The following LARGE1 variants were observed in gnomAD, a reference collection of about 807,000 sequenced individuals.
LARGE1 encodes LARGE xylosyl- and glucuronyltransferase 1.
A neutral mutation model predicts 87.6 loss-of-function variants in LARGE1; 43 were observed. The observed-to-expected ratio is 0.49, with a 90% CI of 0.38 to 0.63. The LOEUF (loss-of-function observed/expected upper bound fraction) is 0.63. Ranked by LOEUF, LARGE1 falls within the 30% of genes least tolerant of loss-of-function variation. The pLI is 0.00. For missense variants in LARGE1, 802 were observed against 1,000.2 expected, an observed-to-expected ratio of 0.80 and a Z score of 2.67; for synonymous variants, 434 against 394.6, an observed-to-expected ratio of 1.10 and a Z score of -1.18.
At position 33,600,142 on chromosome 22, in the gene LARGE1, G is replaced by A. The variant is rs5994778; in HGVS notation, c.615+4293C>T. On this transcript the variant is annotated intron_variant, in intron 5 of 14. Transcript: ENST00000397394. Reference sequence around the variant, plus strand: ...GAAACGTGAATTCCTGGGCCTGACCGTGATAAAGAAACTCTGCCATCGGTT... The same window carrying A: ...GAAACGTGAATTCCTGGGCCTGACCATGATAAAGAAACTCTGCCATCGGTT... Among the ~76,000 whole-genome samples, 702 of 152,254 alleles carry A rather than the reference G, an allele frequency of 4.6e-3. 4 individuals carry two copies. Among genetic ancestry groups the A allele is most frequent in the African/African-American group, 0.016 (670 of 41,536 alleles).
chr22:33,166,635 C>T (rs1922288359), exon 12 of LARGE1: 1 of 416,432 alleles, frequency 2.4e-6, no homozygotes, highest in Non-Finnish European at 4.9e-6. Flanking sequence ...TTCAATCTTA[C>T]CGTGAGGATG....
intron 5 of LARGE1, among the ~76,000 whole-genome samples, chr22:33,599,040 T>G (rs1602643002): frequency 6.6e-6 from 1 of 152,156 alleles, no homozygotes; most frequent in African/African-American, 2.4e-5. Flanking sequence ...AAGAGGAATT[T>G]TGAATTCAAG....
chr22:33,794,699 C>A (rs1213910249), intron 1 of LARGE1, among the ~76,000 whole-genome samples: 1 of 116 alleles, frequency 8.6e-3, no homozygotes, highest in Non-Finnish European at 0.016. Context: ...CGGCTCACTG[C>A]AACCTCCGCT....
chr22:33,182,312 T>G (rs1923214734), intron 11 of LARGE1, among the ~76,000 whole-genome samples: 4 of 152,226 alleles, frequency 2.6e-5, no homozygotes, highest in Non-Finnish European at 4.4e-5. Context: ...ACATAAATTT[T>G]GAACTAAAAA....
chr22:33,281,542 A>G (rs765584919), intron 13 of LARGE1, among the ~76,000 whole-genome samples: 3 of 152,190 alleles, frequency 2.0e-5, no homozygotes, highest in Non-Finnish European at 2.9e-5. Flanking sequence ...CCTCAGTTTC[A>G]TTATCCATGC....
chr22:33,539,329 C>T (rs1306629343), intron 6 of LARGE1, among the ~76,000 whole-genome samples: 1 of 152,096 alleles, frequency 6.6e-6, no homozygotes, highest in East Asian at 1.9e-4. Context: ...AAATAAATTC[C>T]CCATGCCCAT....
chr22:33,497,496 T>C lies in LARGE1; in HGVS notation c.788-65231A>G, dbSNP rs2070195559. 2.6e-5 allele frequency among the ~76,000 whole-genome samples: 4 copies of C among 152,194 alleles called. No homozygotes were observed. The South Asian group carries it at 8.3e-4, about 31-fold the overall frequency. On this transcript the variant is annotated intron_variant, in intron 6 of 14. Coordinates refer to ENST00000397394, the MANE Select transcript of LARGE1 (RefSeq NM_133642.5). ...TGGCCCAGAGTAAGGGCTATGTAAA[T>C]ATCAGCTATCATAATTATTCTGCAC...
intron 12 of LARGE1, among the ~76,000 whole-genome samples, chr22:33,303,772 C>T (rs941569654): frequency 6.6e-6 from 1 of 150,728 alleles, no homozygotes. Context: ...CGGGCACATG[C>T]CACCAAGCCC....
At chr22:33,318,558 G>C (rs1233550501) in intron 10 of LARGE1, among the ~76,000 whole-genome samples, 1 of 152,000 alleles carries the variant, frequency 6.6e-6, no homozygotes, top group Non-Finnish European at 1.5e-5. Context: ...GTAGTCACAG[G>C]GACACAGGAA....
At chr22:33,195,749 CTTTTTTCTT>C (rs1924034701) in intron 11 of LARGE1, among the ~76,000 whole-genome samples, 1 of 89,696 alleles carries the variant, frequency 1.1e-5, no homozygotes, top group South Asian at 3.3e-4. Context: ...TTTCTTTTTT[CTTTTTTCTT>C]TTTTTTTTTT....
At chr22:33,437,229 T>A (rs1367549607) in intron 6 of LARGE1, among the ~76,000 whole-genome samples, 2 of 152,162 alleles carry the variant, frequency 1.3e-5, no homozygotes, top group East Asian at 3.9e-4. Flanking sequence ...TGGCACATAA[T>A]AAACTCACAT....
chr22:33,248,244 G>A (rs376510712), intron 11 of LARGE1, among the ~76,000 whole-genome samples: 1 of 152,152 alleles, frequency 6.6e-6, no homozygotes, highest in Non-Finnish European at 1.5e-5. Context: ...CTGAAGTGCA[G>A]TGGTGTGTTC....
intron 2 of LARGE1, among the ~76,000 whole-genome samples, chr22:33,668,037 G>A (rs188935433): frequency 1.1e-4 from 16 of 152,154 alleles, no homozygotes; most frequent in Admixed American, 9.8e-4. Flanking sequence ...TTATTTGACA[G>A]CTCTTCTTAA....
chr22:33,520,112 C>A (rs2071509279), intron 6 of LARGE1, among the ~76,000 whole-genome samples: 1 of 150,896 alleles, frequency 6.6e-6, no homozygotes, highest in African/African-American at 2.4e-5. Context: ...TCAAGCAATC[C>A]TCCCTCTTCA....
chr22:33,625,134 G>A (rs767993659), intron 4 of LARGE1, among the ~76,000 whole-genome samples: 3 of 152,126 alleles, frequency 2.0e-5, no homozygotes, highest in Non-Finnish European at 4.4e-5. Context: ...ACTATGGAGA[G>A]CCTCCTGGAT....
intron 3 of LARGE1, among the ~76,000 whole-genome samples, chr22:33,639,757 T>C (rs10427573): frequency 0.021 from 3,265 of 152,220 alleles, 114 homozygotes; most frequent in African/African-American, 0.075. Context: ...CACACATCCA[T>C]ACACACATGT....
chr22:33,754,018 C>A (rs76194392), intron 2 of LARGE1, among the ~76,000 whole-genome samples: 1 of 151,916 alleles, frequency 6.6e-6, no homozygotes, highest in Non-Finnish European at 1.5e-5. Flanking sequence ...GCTGAGATTG[C>A]GCCACTGCAC....
chr22:33,690,659 C>T (rs1430396208), intron 2 of LARGE1, among the ~76,000 whole-genome samples: 1 of 111,974 alleles, frequency 8.9e-6, no homozygotes, highest in African/African-American at 3.8e-5. Flanking sequence ...GGCAAAGAGA[C>T]CAGAGAAGAG....
At chr22:33,655,408 G>A (rs1416775886) in intron 2 of LARGE1, among the ~76,000 whole-genome samples, 2 of 152,028 alleles carry the variant, frequency 1.3e-5, no homozygotes, top group African/African-American at 4.8e-5. Context: ...CCTGGGTCTC[G>A]AGCCTGTTGG....
Sources: allele counts gnomAD v4.1 joint callset (sites outside exome capture counted in the v4.1 genomes callset), GRCh38; gene constraint gnomAD v4.1.1; transcripts MANE v1.5; gene names NCBI Gene and HGNC (gene_info 2026-07-23, HGNC 2026-07-21).